THADA: variants seen among roughly 807,000 people sequenced by gnomAD.
THADA encodes tRNA (32-2'-O)-methyltransferase regulator THADA.
Under a neutral mutation model 219.8 loss-of-function variants are expected in THADA, and 213 were observed. That is an observed-to-expected ratio of 0.97 (90% confidence interval 0.87 to 1.09). The LOEUF (loss-of-function observed/expected upper bound fraction) is 1.09, where lower values mean the gene tolerates loss of function less well. Among genes scored for constraint, THADA ranks in the 50% least tolerant of loss-of-function variants. The pLI is 0.00. For missense variants in THADA, 2,956 were observed against 2,311.3 expected (o/e 1.28, Z -5.72); for synonymous variants, 1,018 against 828.9 (o/e 1.23, Z -3.92).
At chr2:43,282,942 G>A (rs571484203) in intron 35 of THADA, among the ~76,000 whole-genome samples, 27 of 152,172 alleles carry the variant, frequency 1.8e-4, no homozygotes, top group Admixed American at 1.0e-3. Context: ...CCACCTTTAC[G>A]TCCCAAAGAT....
intron 22 of THADA, among the ~76,000 whole-genome samples, chr2:43,522,375 G>C (rs763291742): frequency 6.6e-6 from 1 of 152,100 alleles, no homozygotes; most frequent in South Asian, 2.1e-4. Context: ...CTTAGCTGCA[G>C]GCACAGGCAA....
Position 43,582,873 on chromosome 2 carries a change from CCT to C in THADA, c.534-947_534-946del, listed in dbSNP as rs369646427. Reference sequence around the variant, plus strand: ...CGTGAACAACCATGCCCAGCCTCTCCCTGACTTCTAAAATGCCAGGCTCTCGC... The same window carrying C: ...CGTGAACAACCATGCCCAGCCTCTCCGACTTCTAAAATGCCAGGCTCTCGC... On this transcript the variant is annotated intron_variant, in intron 7 of 37. Transcript: ENST00000405975. Among the ~76,000 whole-genome samples the C allele has an allele frequency of 5.0e-3, 754 of 152,100 alleles. 3 individuals carry two copies. Among genetic ancestry groups the C allele is most frequent in the Non-Finnish European group, 8.2e-3 (558 of 67,988 alleles).
chr2:43,530,767 A>C (rs1693767840), intron 21 of THADA, among the ~76,000 whole-genome samples: 1 of 152,236 alleles, frequency 6.6e-6, no homozygotes, highest in Admixed American at 6.5e-5. Context: ...CTCCCTTCGA[A>C]GAGGTCTAAA....
rs145673956 is a variant in THADA at position 43,302,510 on chromosome 2, G to T, written c.4439-9297C>A. ...TAAATTTCTGGCCTTCAAGGGAATG[G>T]CTGAATGGCTGGATTCACATGGAAG... On this transcript the variant is annotated intron_variant, in intron 31 of 37. Transcript: ENST00000405975. Among the ~76,000 whole-genome samples, 58 of 151,604 alleles carry T rather than the reference G, an allele frequency of 3.8e-4. 1 individual carries two copies. Among genetic ancestry groups the T allele is most frequent in the East Asian group, 2.1e-3 (11 of 5,150 alleles).
At chr2:43,356,856 T>C (rs1394869481) in intron 29 of THADA, among the ~76,000 whole-genome samples, 1 of 152,250 alleles carries the variant, frequency 6.6e-6, no homozygotes, top group Non-Finnish European at 1.5e-5. Flanking sequence ...ACTTCATGGC[T>C]TCCCCAGCTT....
chr2:43,528,733 G>C (rs542309747), intron 21 of THADA, among the ~76,000 whole-genome samples: 1 of 152,010 alleles, frequency 6.6e-6, no homozygotes, highest in Non-Finnish European at 1.5e-5. Context: ...CACACAAAGC[G>C]ACAACACTCA....
intron 31 of THADA, among the ~76,000 whole-genome samples, chr2:43,312,384 T>A (rs1173901501): frequency 6.6e-6 from 1 of 152,034 alleles, no homozygotes; most frequent in Non-Finnish European, 1.5e-5. Flanking sequence ...GGACGGTGAA[T>A]AAGGAGTCAG....
intron 26 of THADA, among the ~76,000 whole-genome samples, chr2:43,470,622 C>T (rs951779211): frequency 6.6e-6 from 1 of 152,066 alleles, no homozygotes; most frequent in Admixed American, 6.6e-5. Context: ...GAGAAAATGA[C>T]AGGAAAATGC....
chr2:43,371,627 C>G (rs1670816336), intron 29 of THADA, among the ~76,000 whole-genome samples: 1 of 152,154 alleles, frequency 6.6e-6, no homozygotes, highest in Non-Finnish European at 1.5e-5. Flanking sequence ...GGAGAGATCA[C>G]TGACTTGATT....
chr2:43,501,135 G>C (rs1688897902), intron 24 of THADA, among the ~76,000 whole-genome samples: 1 of 151,368 alleles, frequency 6.6e-6, no homozygotes, highest in African/African-American at 2.4e-5. Context: ...GTGAAATCCT[G>C]TCTCTACTAA....
chr2:43,515,931 C>T (rs1691668666), intron 22 of THADA, among the ~76,000 whole-genome samples: 1 of 152,048 alleles, frequency 6.6e-6, no homozygotes, highest in African/African-American at 2.4e-5. Context: ...CCTGATCTTC[C>T]TCCAAAAACC....
intron 21 of THADA, chr2:43,538,369 G>A (rs533486148): frequency 1.2e-4 from 18 of 152,266 alleles, no homozygotes; most frequent in Admixed American, 1.0e-3. Flanking sequence ...TCTTGTACAG[G>A]AACACTATGA....
intron 24 of THADA, among the ~76,000 whole-genome samples, chr2:43,500,667 A>G (rs961956584): frequency 6.6e-6 from 1 of 152,204 alleles, no homozygotes; most frequent in African/African-American, 2.4e-5. Flanking sequence ...CAGAAACAAC[A>G]TAAGGATGCC....
At chr2:43,385,364 T>C (rs1672524941) in intron 29 of THADA, among the ~76,000 whole-genome samples, 1 of 152,000 alleles carries the variant, frequency 6.6e-6, no homozygotes, top group African/African-American at 2.4e-5. Context: ...CCCAGCACTT[T>C]GGGAGGCCGA....
chr2:43,330,865 A>G (rs1180100296), intron 30 of THADA, among the ~76,000 whole-genome samples: 2 of 152,216 alleles, frequency 1.3e-5, no homozygotes, highest in Admixed American at 6.5e-5. Context: ...TCAAGAGGCA[A>G]AAAACAAACT....
At position 43,592,318 on chromosome 2, in the gene THADA, T is replaced by C; in HGVS notation, c.75A>G (p.Lys25=). 1 of 1,600,442 alleles carries C rather than the reference T, an allele frequency of 6.2e-7. No homozygotes were observed. The highest frequency in any genetic ancestry group is 8.5e-7 in the Non-Finnish European group (1 of 1,173,866). Residue 25 remains lysine, a splice_region_variant and synonymous_variant, in exon 2 of 38, where the codon AAA becomes AAG. Transcript: ENST00000405975. ...TAAGGGAAACCAGAAGTCACCTACATTTCAAAGTTTCAAGGTCCTGATGGC... is the reference window on the plus strand; with the variant it reads ...TAAGGGAAACCAGAAGTCACCTACACTTCAAAGTTTCAAGGTCCTGATGGC... ...TICHQDLETL[K]SFADVEGKNL... is the part of the protein sequence containing the mutation.
At chr2:43,300,054 G>T in intron 31 of THADA, among the ~76,000 whole-genome samples, 1 of 148,808 alleles carries the variant, frequency 6.7e-6, no homozygotes, top group African/African-American at 2.5e-5. Context: ...AAAAAAAGCT[G>T]ACATTTGTTG....
chr2:43,501,572 C>T (rs915015438), intron 24 of THADA, among the ~76,000 whole-genome samples: 1 of 152,072 alleles, frequency 6.6e-6, no homozygotes, highest in Non-Finnish European at 1.5e-5. Context: ...TACCCAAGGT[C>T]ATTCTGAAGG....
In THADA at chr2:43,574,410, T is replaced by A; in HGVS notation, c.1655A>T (p.Lys552Ile). 6.2e-7 allele frequency: 1 copy of A among 1,610,392 alleles called. No homozygotes were observed. Among genetic ancestry groups the A allele is most frequent in the Non-Finnish European group, 8.5e-7 (1 of 1,178,056 alleles). The change falls in exon 11 of 38, where the codon AAA becomes ATA. Residue 552 changes from lysine (K) to isoleucine (I), a missense_variant. By Grantham distance (102) the Lys-to-Ile change is moderately radical. Coordinates refer to ENST00000405975, the MANE Select transcript of THADA (RefSeq NM_022065.5). The part of the protein sequence containing the change: ...KSYVIDYYLP[K>I]LLSYSPESLQ... The stretch of plus-strand genomic sequence containing the variant: ...GCTTTCAGGGCTGTAACTTAATAAT[T>A]TTGGCAAGTAATAATCAATCACGTA...
Sources: allele counts gnomAD v4.1 joint callset (sites outside exome capture counted in the v4.1 genomes callset), GRCh38; gene constraint gnomAD v4.1.1; transcripts MANE v1.5; gene names NCBI Gene and HGNC (gene_info 2026-07-23, HGNC 2026-07-21).